The following SBK1 variants were observed in gnomAD, a reference collection of about 807,000 sequenced individuals.
SBK1 encodes the protein SH3 domain binding kinase 1.
Under a neutral mutation model 24.4 loss-of-function variants are expected in SBK1, and 11 were observed. The observed-to-expected ratio is 0.45, with a 90% CI of 0.28 to 0.75. SBK1 has a LOEUF of 0.75. Ranked by LOEUF, SBK1 falls within the 30% of genes least tolerant of loss-of-function variation. SBK1 has a pLI of 0.12. For missense variants in SBK1, 467 were observed against 620.5 expected (o/e 0.75, Z 2.63); for synonymous variants, 308 against 284.4 (o/e 1.08, Z -0.83).
intron 1 of SBK1, among the ~76,000 whole-genome samples, chr16:28,310,957 C>T (rs372784663): frequency 6.6e-6 from 1 of 152,142 alleles, no homozygotes; most frequent in Non-Finnish European, 1.5e-5. Context: ...CCACGTGCGC[C>T]GGAACTGGGT....
upstream of SBK1, among the ~76,000 whole-genome samples, chr16:28,289,311 A>G (rs1165393784): frequency 6.6e-6 from 1 of 152,256 alleles, no homozygotes; most frequent in African/African-American, 2.4e-5. Context: ...GAACAAAGTT[A>G]GAATGAAATC....
At position 28,317,309 on chromosome 16, in the gene SBK1, TG is replaced by T; in HGVS notation, c.-7-72del. ...GCCCATCCTCAAGTTTTCTGGGTTC[TG>T]GGGAGGGCAGAGGGGCTGGAGGAGG... On this transcript the variant is annotated intron_variant, in intron 1 of 3. Transcript: ENST00000341901. The surrounding 1 kb of genome is among the most constrained non-coding windows in gnomAD (Gnocchi z 4.2). 1 of 1,142,072 alleles carries T rather than the reference TG, an allele frequency of 8.8e-7. No individual in the cohort carries two copies. Among genetic ancestry groups the T allele is most frequent in the Non-Finnish European group, 1.3e-6 (1 of 776,194 alleles). The allele number at this position is 1,142,072 out of a possible 1,614,324, so 70.7% of individuals were successfully genotyped here.
At chr16:28,295,597 A>G (rs1596547405) in intron 1 of SBK1, among the ~76,000 whole-genome samples, 1 of 152,126 alleles carries the variant, frequency 6.6e-6, no homozygotes, top group Non-Finnish European at 1.5e-5. Flanking sequence ...GCATTGTCTA[A>G]TTCAGAGCCC....
upstream of SBK1, among the ~76,000 whole-genome samples, chr16:28,288,392 C>T (rs1397421400): frequency 6.6e-6 from 1 of 152,154 alleles, no homozygotes; most frequent in Non-Finnish European, 1.5e-5. Flanking sequence ...AGGGCCGTCA[C>T]CTTCCATCCC....
intron 1 of SBK1, among the ~76,000 whole-genome samples, chr16:28,299,079 G>T (rs1165779999): frequency 6.6e-6 from 1 of 152,198 alleles, no homozygotes; most frequent in Admixed American, 6.5e-5. Flanking sequence ...TCTCCAGGAG[G>T]CACAATGGGG....
chr16:28,274,436 G>C (rs2044484375), intron 1 of SBK1, among the ~76,000 whole-genome samples: 1 of 152,148 alleles, frequency 6.6e-6, no homozygotes. Flanking sequence ...GAGCACCCGA[G>C]GTCTGGAGTC....
chr16:28,293,155 T>G lies in SBK1; in HGVS notation c.-153T>G, dbSNP rs2044613810. ...GCCTCGGGGATCCCCCCCCTAAAGCTCCAGGACTTGGGCGACTGAGCCCCT... is the reference window on the plus strand; with the variant it reads ...GCCTCGGGGATCCCCCCCCTAAAGCGCCAGGACTTGGGCGACTGAGCCCCT... On this transcript the variant is annotated 5_prime_UTR_variant, in exon 1 of 4. Transcript: ENST00000341901. 1.0e-6 allele frequency: 1 copy of G among 984,920 alleles called. No homozygotes were observed. Among genetic ancestry groups the G allele is most frequent in the Non-Finnish European group, 1.2e-6 (1 of 830,014 alleles). 61.0% of individuals were successfully genotyped at this position (984,920 alleles called of 1,614,324 possible).
chr16:28,302,826 C>G (rs1000187056), intron 1 of SBK1, among the ~76,000 whole-genome samples: 1 of 152,160 alleles, frequency 6.6e-6, no homozygotes, highest in Non-Finnish European at 1.5e-5. Flanking sequence ...CAAGACCAGA[C>G]AGCAAAATTC....
intron 1 of SBK1, among the ~76,000 whole-genome samples, chr16:28,306,891 C>G (rs2141584184): frequency 6.6e-6 from 1 of 152,318 alleles, no homozygotes; most frequent in African/African-American, 2.4e-5. Context: ...AGGGCCTGTG[C>G]AAAGTATCAT....
chr16:28,315,120 T>C (rs1596553633), intron 1 of SBK1, among the ~76,000 whole-genome samples: 2 of 152,036 alleles, frequency 1.3e-5, no homozygotes, highest in Admixed American at 1.3e-4. Flanking sequence ...CACACACAGA[T>C]ACATACTCAT....
intron 1 of SBK1, among the ~76,000 whole-genome samples, chr16:28,305,015 T>G (rs1361813674): frequency 6.6e-6 from 1 of 151,894 alleles, no homozygotes. Context: ...GTTCAAGTGA[T>G]CCTCCCACCT....
chr16:28,259,556 C>T lies in SBK1; in HGVS notation c.257+54C>T, dbSNP rs549843069. ...GGCAGCAGGTGGGCACAGCGCTCGA[C>T]CCAGGGTGCCTGTGGGCCTGGCAGT... On this transcript the variant is annotated intron_variant, in intron 1 of 3. Transcript: ENST00000671413. The surrounding 1 kb of genome is among the most constrained non-coding windows in gnomAD (Gnocchi z 6.0). 2 of 547,162 alleles carry T rather than the reference C, an allele frequency of 3.7e-6. No individual in the cohort carries two copies. Among genetic ancestry groups the T allele is most frequent in the African/African-American group, 4.1e-5 (2 of 48,698 alleles). The allele number at this position is 547,162 out of a possible 1,614,324, so 33.9% of individuals were successfully genotyped here. A position where few individuals can be genotyped will look rare whatever the true frequency, so the allele number is the denominator to read the frequency against.
At chr16:28,266,928 A>AC (rs1394316512) in intron 1 of SBK1, among the ~76,000 whole-genome samples, 1 of 151,168 alleles carries the variant, frequency 6.6e-6, no homozygotes, top group Non-Finnish European at 1.5e-5. Context: ...TTTTTTTCAG[A>AC]CAGAGTCTCA....
intron 1 of SBK1, among the ~76,000 whole-genome samples, chr16:28,306,002 C>T (rs1035250466): frequency 3.3e-5 from 5 of 152,128 alleles, no homozygotes; most frequent in African/African-American, 4.8e-5. Context: ...TCTCTCTGCC[C>T]GTGAAGTTTG....
intron 1 of SBK1, among the ~76,000 whole-genome samples, chr16:28,278,902 C>T (rs72791851): frequency 0.016 from 2,400 of 152,334 alleles, 24 homozygotes; most frequent in Middle Eastern, 0.034. Context: ...CCCCATCAAC[C>T]TCCCTGTGCC....
intron 1 of SBK1, among the ~76,000 whole-genome samples, chr16:28,310,038 C>T (rs1287004317): frequency 6.6e-6 from 1 of 152,194 alleles, no homozygotes; most frequent in Admixed American, 6.5e-5. Flanking sequence ...AGTCTTGCTT[C>T]TTGCTTGGGA....
At chr16:28,281,628 G>C (rs2044533815) in intron 1 of SBK1, among the ~76,000 whole-genome samples, 1 of 152,220 alleles carries the variant, frequency 6.6e-6, no homozygotes, top group Non-Finnish European at 1.5e-5. Context: ...GTCCCAGCTA[G>C]GGTGCGCACT....
intron 1 of SBK1, among the ~76,000 whole-genome samples, chr16:28,263,893 A>G (rs999847023): frequency 1.3e-5 from 2 of 151,760 alleles, no homozygotes; most frequent in African/African-American, 4.8e-5. Flanking sequence ...GGGAGACCAA[A>G]ACAGGAGGAT....
rs55860114 is a variant in SBK1 at position 28,321,182 on chromosome 16, AACACACACACACACAC to A, written c.*302_*317del. On this transcript the variant is annotated 3_prime_UTR_variant, in exon 4 of 4. Transcript: ENST00000341901. ...CCCGAGAATTCGGAGGCCACCACAC[AACACACACACACACAC>A]ACACACACACACACACACACACACA... The A allele has an allele frequency of 0.01, 1,949 of 191,950 alleles. 57 individuals carry two copies. Among genetic ancestry groups the A allele is most frequent in the East Asian group, 0.049 (282 of 5,710 alleles). The allele number at this position is 191,950 out of a possible 1,614,324, so 11.9% of individuals were successfully genotyped here.
Sources: allele counts gnomAD v4.1 joint callset (sites outside exome capture counted in the v4.1 genomes callset), GRCh38; gene constraint gnomAD v4.1.1; non-coding constraint Gnocchi (gnomAD v3.1); transcripts MANE v1.5; gene names NCBI Gene and HGNC (gene_info 2026-07-23, HGNC 2026-07-21).